The following PAPPA2 variants were observed in gnomAD, a reference collection of about 807,000 sequenced individuals.
PAPPA2 encodes the protein pappalysin-2.
A neutral mutation model predicts 176.4 loss-of-function variants in PAPPA2; 86 were observed. That is an observed-to-expected ratio of 0.49 (90% CI 0.41 to 0.58). The LOEUF (loss-of-function observed/expected upper bound fraction) is 0.58. Among genes scored for constraint, PAPPA2 ranks in the 20% least tolerant of loss-of-function variants. The probability of loss-of-function intolerance (pLI) is 0.00; values close to 1 mark genes in which losing one functional copy is unlikely to be tolerated. For synonymous variants in PAPPA2, 809 were observed against 852.2 expected, an observed-to-expected ratio of 0.95 and a Z score of 0.88; for missense variants, 2,073 against 2,256.9, an observed-to-expected ratio of 0.92 and a Z score of 1.65.
chr1:176,590,696 CA>C (rs1653604928), intron 2 of PAPPA2, among the ~76,000 whole-genome samples: 1 of 152,074 alleles, frequency 6.6e-6, no homozygotes, highest in Admixed American at 6.6e-5. Context: ...ATAAGGAAAC[CA>C]GAGCTCAATA....
At chr1:176,678,069 G>T (rs1659395534) in intron 4 of PAPPA2, among the ~76,000 whole-genome samples, 1 of 152,178 alleles carries the variant, frequency 6.6e-6, no homozygotes, top group Non-Finnish European at 1.5e-5. Context: ...ATAAGCAGGA[G>T]TTTGCTTGGC....
chr1:176,586,456 C>A (rs1653316134), intron 2 of PAPPA2, among the ~76,000 whole-genome samples: 1 of 152,260 alleles, frequency 6.6e-6, no homozygotes, highest in Non-Finnish European at 1.5e-5. Context: ...CCCCATACCC[C>A]AACAGGCCCT....
rs1004512256 is a variant in PAPPA2, at chr1:176,827,647, T to C, written c.5203-12526T>C. ...ACCTATGATTTCTTTCCTATGGTCT[T>C]AGGTGCAGTTCAGATTCTGTATTAT... On this transcript the variant is annotated intron_variant, in intron 21 of 22. Transcript: ENST00000367662. Among the ~76,000 whole-genome samples the C allele has an allele frequency of 2.0e-5, 3 of 152,186 alleles. No individual in the cohort carries two copies. The South Asian group carries it at 6.2e-4, about 32-fold the overall frequency.
chr1:176,710,011 G>A lies in PAPPA2; in HGVS notation c.3486G>A (p.Glu1162=), dbSNP rs74781891. The part of the protein sequence containing the change: ...VGEPSLCYMY[E]GDGICEPFER... The stretch of plus-strand genomic sequence containing the variant: ...AGCCAAGCCTTTGCTACATGTATGA[G>A]GGAGATGGCATATGTGAACCTTTTG... The change falls in exon 11 of 23, where the codon GAG becomes GAA. Residue 1162 remains glutamate (E), a synonymous_variant. Coordinates refer to ENST00000367662, the MANE Select transcript of PAPPA2 (RefSeq NM_020318.3). 1,866 of 1,612,426 alleles carry A rather than the reference G, an allele frequency of 1.2e-3. 20 individuals are homozygous for A. The African/African-American group carries it at 0.022, about 19-fold the overall frequency.
chr1:176,632,054 A>G (rs1656367912), intron 3 of PAPPA2, among the ~76,000 whole-genome samples: 1 of 152,150 alleles, frequency 6.6e-6, no homozygotes, highest in Non-Finnish European at 1.5e-5. Context: ...TTTTCTCATT[A>G]AGCTAGGAAG....
intron 1 of PAPPA2, among the ~76,000 whole-genome samples, chr1:176,498,082 C>T (rs1647727668): frequency 6.6e-6 from 1 of 152,190 alleles, no homozygotes; most frequent in South Asian, 2.1e-4. Context: ...CAGAATTGAA[C>T]ACAGTGGTGG....
chr1:176,619,352 C>A (rs1361655039), intron 3 of PAPPA2, among the ~76,000 whole-genome samples: 1 of 152,192 alleles, frequency 6.6e-6, no homozygotes, highest in Non-Finnish European at 1.5e-5. Flanking sequence ...TACTATATGG[C>A]AAGGTGTTCT....
chr1:176,723,979 C>T (rs1424574420), intron 12 of PAPPA2, among the ~76,000 whole-genome samples: 1 of 152,148 alleles, frequency 6.6e-6, no homozygotes, highest in East Asian at 1.9e-4. Context: ...ATCAAAGACT[C>T]AAAGTGCTTT....
chr1:176,825,006 T>C (rs1666801459), intron 21 of PAPPA2, among the ~76,000 whole-genome samples: 1 of 152,270 alleles, frequency 6.6e-6, no homozygotes. Flanking sequence ...CCTGGTTCCA[T>C]GTCCTGTGGG....
intron 2 of PAPPA2, among the ~76,000 whole-genome samples, chr1:176,565,170 C>G (rs888711868): frequency 2.0e-5 from 3 of 152,106 alleles, no homozygotes; most frequent in African/African-American, 7.2e-5. Flanking sequence ...TGTATCCAGT[C>G]TTCAATTACT....
intron 4 of PAPPA2, among the ~76,000 whole-genome samples, chr1:176,677,985 A>G (rs1333543397): frequency 6.6e-6 from 1 of 152,186 alleles, no homozygotes; most frequent in South Asian, 2.1e-4. Context: ...CATGGAAAGG[A>G]AAGTGCCTAA....
chr1:176,510,479 G>A (rs907815502), intron 1 of PAPPA2, among the ~76,000 whole-genome samples: 5 of 152,034 alleles, frequency 3.3e-5, no homozygotes, highest in Non-Finnish European at 2.9e-5. Flanking sequence ...TCAAAGAAAA[G>A]TTGAAAGAAC....
At chr1:176,619,496 A>G (rs759107254) in intron 3 of PAPPA2, among the ~76,000 whole-genome samples, 5 of 152,196 alleles carry the variant, frequency 3.3e-5, no homozygotes, top group Admixed American at 6.5e-5. Context: ...GCTGTGTTTG[A>G]TTAACAATGT....
At chr1:176,662,266 A>G (rs530038006) in intron 3 of PAPPA2, among the ~76,000 whole-genome samples, 1 of 152,304 alleles carries the variant, frequency 6.6e-6, no homozygotes, top group East Asian at 1.9e-4. Context: ...CTAACTTCAT[A>G]AAGTTGTTAT....
intron 1 of PAPPA2, among the ~76,000 whole-genome samples, chr1:176,484,085 T>A (rs967850777): frequency 1.3e-5 from 2 of 152,238 alleles, no homozygotes; most frequent in African/African-American, 4.8e-5. Flanking sequence ...CCCATCTTTA[T>A]CTCTCACCTA....
At chr1:176,477,951 C>G (rs1166396353) in intron 1 of PAPPA2, among the ~76,000 whole-genome samples, 1 of 152,088 alleles carries the variant, frequency 6.6e-6, no homozygotes, top group Non-Finnish European at 1.5e-5. Context: ...AAACTATTTC[C>G]AAGTTAACAG....
At chr1:176,832,608 C>T (rs1025857081) in intron 21 of PAPPA2, among the ~76,000 whole-genome samples, 2 of 152,200 alleles carry the variant, frequency 1.3e-5, no homozygotes, top group African/African-American at 4.8e-5. Flanking sequence ...CCACCTCGGC[C>T]TCCCAAAGTG....
At position 176,692,262 on chromosome 1, in the gene PAPPA2, C is replaced by A. The variant is rs1459361098; in HGVS notation, c.2568C>A (p.Thr856=). Residue 856 remains threonine, a synonymous_variant, in exon 6 of 23, where the codon ACC becomes ACA. Coordinates refer to ENST00000367662, the MANE Select transcript of PAPPA2 (RefSeq NM_020318.3). ...TTCCACCTATGGTCATCGGACAGACCAACAAGTCCCTCACTATCCACTGGC... is the reference window on the plus strand; with the variant it reads ...TTCCACCTATGGTCATCGGACAGACAAACAAGTCCCTCACTATCCACTGGC... ...IPIPPMVIGQ[T]NKSLTIHWLP... The A allele has an allele frequency of 6.2e-7, 1 of 1,614,008 alleles. No homozygotes were observed. The highest frequency in any genetic ancestry group is 8.5e-7 in the Non-Finnish European group (1 of 1,179,908).
chr1:176,719,209 GA>G (rs201167762), intron 12 of PAPPA2, among the ~76,000 whole-genome samples: 2,094 of 148,418 alleles, frequency 0.014, 49 homozygotes, highest in African/African-American at 0.045. Flanking sequence ...ATATCTAAAA[GA>G]TTTTTTTTTT....
Sources: allele counts gnomAD v4.1 joint callset (sites outside exome capture counted in the v4.1 genomes callset), GRCh38; gene constraint gnomAD v4.1.1; transcripts MANE v1.5; gene names NCBI Gene and HGNC (gene_info 2026-07-23, HGNC 2026-07-21).